The following SLC14A1 variants were observed in gnomAD, a reference collection of about 807,000 sequenced individuals.
SLC14A1 encodes the protein urea transporter 1.
A neutral mutation model predicts 39.6 loss-of-function variants in SLC14A1; 36 were observed. The observed-to-expected ratio is 0.91, with a 90% CI of 0.70 to 1.20. The LOEUF (loss-of-function observed/expected upper bound fraction) is 1.20, where lower values mean the gene tolerates loss of function less well. Among genes scored for constraint, SLC14A1 ranks in the 50% most tolerant of loss-of-function variants. The pLI, the probability that SLC14A1 is intolerant of heterozygous loss-of-function variation, is 0.00. For synonymous variants in SLC14A1, 164 were observed against 173.6 expected (o/e 0.94, Z 0.43); for missense variants, 469 against 478.7 (o/e 0.98, Z 0.19).
chr18:45,732,266 T>C (rs1246205694), intron 4 of SLC14A1, among the ~76,000 whole-genome samples: 1 of 152,272 alleles, frequency 6.6e-6, no homozygotes, highest in Non-Finnish European at 1.5e-5. Context: ...GGAAATTCTC[T>C]GTTTTAAGTA....
Position 45,725,858 on chromosome 18 carries a change from T to C in SLC14A1, c.-22+845T>C, listed in dbSNP as rs75563829. On this transcript the variant is annotated intron_variant, in intron 2 of 9. Transcript: ENST00000321925. ...TCCTACCTAGCTCTCAAATTTCTCT[T>C]GGTTCTAGGAAAATATTGATGTTGA... Among the ~76,000 whole-genome samples, 803 of 152,286 alleles carry C rather than the reference T, an allele frequency of 5.3e-3. 10 individuals are homozygous for C. Among genetic ancestry groups the C allele is most frequent in the African/African-American group, 0.018 (759 of 41,552 alleles).
chr18:45,743,404 A>AT lies in SLC14A1; in HGVS notation c.946+3756dup, dbSNP rs11363137. Among the ~76,000 whole-genome samples the AT allele has an allele frequency of 6.1e-3, 887 of 146,426 alleles. 5 individuals carry two copies. The highest frequency in any genetic ancestry group is 0.025 in the Middle Eastern group (7 of 282). On this transcript the variant is annotated intron_variant, in intron 8 of 9. Coordinates refer to ENST00000321925, the MANE Select transcript of SLC14A1 (RefSeq NM_015865.7). ...ACCACACTCACCTTCCTTTGGATAG[A>AT]TTTTTTTTTTTTTTAACTGGTGTAG...
intron 8 of SLC14A1, among the ~76,000 whole-genome samples, chr18:45,740,425 AT>A (rs2047333106): frequency 6.6e-6 from 1 of 151,868 alleles, no homozygotes; most frequent in African/African-American, 2.4e-5. Context: ...AAGGGGAAGA[AT>A]ATTTCTTTTT....
intron 9 of SLC14A1, 109 bp from the exon 10 acceptor site, chr18:45,749,669 C>G: frequency 8.0e-7 from 1 of 1,250,792 alleles, no homozygotes; most frequent in Non-Finnish European, 1.2e-6. Context: ...GAGCAATGCC[C>G]CCAGTGGTTC....
At chr18:45,726,230 T>C (rs954092208) in intron 2 of SLC14A1, among the ~76,000 whole-genome samples, 2 of 152,180 alleles carry the variant, frequency 1.3e-5, no homozygotes, top group Non-Finnish European at 2.9e-5. Context: ...GTCAGAAGTG[T>C]TTCCTAAAAT....
intron 9 of SLC14A1, 119 bp from the exon 10 acceptor site, chr18:45,749,659 G>T: frequency 1.7e-6 from 2 of 1,156,440 alleles, no homozygotes; most frequent in South Asian, 1.3e-5. Context: ...ACAGAATCCA[G>T]AGCAATGCCC....
At chr18:45,737,587 G>A (rs552562014) in intron 6 of SLC14A1, 23 of 152,262 alleles carry the variant, frequency 1.5e-4, no homozygotes, top group Non-Finnish European at 2.9e-4. Flanking sequence ...GAAAACTAAA[G>A]GGAGCACCTG....
intron 3 of SLC14A1, among the ~76,000 whole-genome samples, 168 bp from the exon 4 acceptor site, chr18:45,730,846 AG>A (rs1458651698): frequency 6.6e-6 from 1 of 152,220 alleles, no homozygotes; most frequent in African/African-American, 2.4e-5. Flanking sequence ...AGAGGCTTTC[AG>A]GGATCTGGGT....
chr18:45,732,474 C>A (rs2047059896), intron 4 of SLC14A1, among the ~76,000 whole-genome samples: 2 of 152,172 alleles, frequency 1.3e-5, no homozygotes, highest in Non-Finnish European at 2.9e-5. Flanking sequence ...TCCCATTTGC[C>A]CTCAAGGATT....
intron 6 of SLC14A1, 58 bp downstream of exon 6, chr18:45,736,706 C>T: frequency 6.9e-7 from 1 of 1,454,158 alleles, no homozygotes; most frequent in Non-Finnish European, 9.6e-7. Context: ...CAATGGCCTC[C>T]TGGTCAACTG....
chr18:45,726,526 G>A (rs1039984190), intron 2 of SLC14A1, among the ~76,000 whole-genome samples: 18 of 152,174 alleles, frequency 1.2e-4, no homozygotes, highest in Non-Finnish European at 2.5e-4. Flanking sequence ...CTGGCATGAT[G>A]ACTTATGCCT....
intron 2 of SLC14A1, among the ~76,000 whole-genome samples, chr18:45,728,362 T>A (rs1423398115): frequency 6.6e-6 from 1 of 152,212 alleles, no homozygotes; most frequent in Admixed American, 6.5e-5. Flanking sequence ...GTTCCTGCTT[T>A]GGGAGTTGAT....
Position 45,739,241 on chromosome 18 carries a change from G to A in SLC14A1, c.742G>A (p.Ala248Thr), listed in dbSNP as rs763095261. 15 of 1,613,996 alleles carry A rather than the reference G, an allele frequency of 9.3e-6. No individual in the cohort carries two copies. Among genetic ancestry groups the A allele is most frequent in the Admixed American group, 1.7e-5 (1 of 60,002 alleles). ...NPWTGGIFLG[A>T]ILLSSPLMCL... Reference sequence around the variant, plus strand: ...ATGGACAGGGGGCATTTTCCTGGGAGCCATCCTACTCTCCTCCCCACTCAT... The same window carrying A: ...ATGGACAGGGGGCATTTTCCTGGGAACCATCCTACTCTCCTCCCCACTCAT... The change falls in exon 7 of 10, where the codon GCC becomes ACC. Residue 248 changes from alanine to threonine, a missense_variant. By Grantham distance (58) the Ala-to-Thr change is moderately conservative. Transcript: ENST00000321925.
At position 45,734,291 on chromosome 18, in the gene SLC14A1, G is replaced by A. The variant is rs747951920; in HGVS notation, c.359G>A (p.Gly120Glu). 15 of 1,613,838 alleles carry A rather than the reference G, an allele frequency of 9.3e-6. No homozygotes were observed. In the South Asian group the frequency reaches 1.5e-4, roughly 17 times the overall value. ...LSQDRSLIASGLYGYNATLVG... is the reference protein window; with the variant it reads ...LSQDRSLIASELYGYNATLVG... ...CCCCACAGGTCATTAATAGCATCTGGGCTCTATGGCTACAATGCCACCCTG... is the reference window on the plus strand; with the variant it reads ...CCCCACAGGTCATTAATAGCATCTGAGCTCTATGGCTACAATGCCACCCTG... The change falls in exon 5 of 10, where the codon GGG (glycine) becomes GAG (glutamate). Residue 120 changes from glycine to glutamate, a missense_variant. Coordinates refer to ENST00000321925, the MANE Select transcript of SLC14A1 (RefSeq NM_015865.7).
chr18:45,734,813 G>A (rs1006228483), intron 5 of SLC14A1, among the ~76,000 whole-genome samples: 2 of 152,138 alleles, frequency 1.3e-5, no homozygotes, highest in Admixed American at 1.3e-4. Flanking sequence ...CAAGGAGAAG[G>A]AGGAAGAGGA....
At chr18:45,739,353 T>C (rs1291526668) in intron 7 of SLC14A1, 43 bp downstream of exon 7, 3 of 1,613,686 alleles carry the variant, frequency 1.9e-6, no homozygotes, top group Non-Finnish European at 2.5e-6. Context: ...ACCTCCTCCA[T>C]CCCATGCATT....
chr18:45,737,921 A>G (rs1397530214), intron 6 of SLC14A1, among the ~76,000 whole-genome samples: 1 of 152,216 alleles, frequency 6.6e-6, no homozygotes, highest in African/African-American at 2.4e-5. Context: ...CTGAATGAAC[A>G]GCCCATCCTC....
rs1016413833 is a variant in SLC14A1 at position 45,751,057 on chromosome 18, G to A, written c.*1106G>A. The A allele has an allele frequency of 2.0e-4, 196 of 982,878 alleles. 2 individuals are homozygous for A. In the Middle Eastern group the frequency reaches 4.2e-3, roughly 21 times the overall value. The allele number at this position is 982,878 out of a possible 1,614,324, so 60.9% of individuals were successfully genotyped here. ...ATTTGAACCACCAAAAAGAAATAAAGGGCTGAGTGCGGTGGCTCACGCCTG... is the reference window on the plus strand; with the variant it reads ...ATTTGAACCACCAAAAAGAAATAAAAGGCTGAGTGCGGTGGCTCACGCCTG... On this transcript the variant is annotated 3_prime_UTR_variant, in exon 10 of 10. Coordinates refer to ENST00000321925, the MANE Select transcript of SLC14A1 (RefSeq NM_015865.7).
rs1017939839 is a variant in SLC14A1, at chr18:45,750,074, A to G, written c.*123A>G. ...TCAACTTTCATACTGACGCGTCTGT[A>G]ATCTGTTCTTATGCTCATTTTGTAT... is the stretch of plus-strand genomic sequence containing the variant. On this transcript the variant is annotated 3_prime_UTR_variant, in exon 10 of 10. Coordinates refer to ENST00000321925, the MANE Select transcript of SLC14A1 (RefSeq NM_015865.7). 2.1e-4 allele frequency: 341 copies of G among 1,595,962 alleles called. No homozygotes were observed. The highest frequency in any genetic ancestry group is 3.4e-4 in the Middle Eastern group (2 of 5,958).
Sources: gnomAD v4.1 joint callset for allele counts (sites outside exome capture counted in the v4.1 genomes callset) on GRCh38, gnomAD v4.1.1 for gene constraint, MANE v1.5 for transcripts, NCBI Gene and HGNC (gene_info 2026-07-23, HGNC 2026-07-21) for gene names.